Variants in EPHB1 observed in about 807,000 individuals in gnomAD.
EPHB1 encodes the protein EPH receptor B1.
A neutral mutation model predicts 94.4 loss-of-function variants in EPHB1; 30 were observed. The observed-to-expected ratio is 0.32, with a 90% CI of 0.24 to 0.43. The LOEUF (loss-of-function observed/expected upper bound fraction) is 0.43. Among genes scored for constraint, EPHB1 ranks in the 20% least tolerant of loss-of-function variants. The pLI is 1.00. For synonymous variants in EPHB1, 522 were observed against 489.1 expected (o/e 1.07, Z -0.89); for missense variants, 1,055 against 1,308.3 (o/e 0.81, Z 2.99).
chr3:135,252,097 G>A (rs1163692653), intron 15 of EPHB1, among the ~76,000 whole-genome samples: 1 of 151,898 alleles, frequency 6.6e-6, no homozygotes, highest in Non-Finnish European at 1.5e-5. Flanking sequence ...AATGGCACAT[G>A]CAAAGTACTT....
At chr3:134,970,256 A>C (rs1410944982) in intron 3 of EPHB1, among the ~76,000 whole-genome samples, 1 of 152,228 alleles carries the variant, frequency 6.6e-6, no homozygotes, top group Non-Finnish European at 1.5e-5. Context: ...TTTTACACTT[A>C]GGTCTATAAT....
chr3:134,933,650 G>T (rs1000736025), intron 2 of EPHB1, among the ~76,000 whole-genome samples: 2 of 152,182 alleles, frequency 1.3e-5, no homozygotes, highest in African/African-American at 4.8e-5. Context: ...GGAAACTAAA[G>T]CACGGAGCAG....
chr3:135,251,222 TAGAC>T (rs1321693309), intron 15 of EPHB1, among the ~76,000 whole-genome samples: 2 of 152,268 alleles, frequency 1.3e-5, no homozygotes, highest in East Asian at 1.9e-4. Flanking sequence ...GACTGTCAAA[TAGAC>T]AGCAAAAATA....
intron 3 of EPHB1, among the ~76,000 whole-genome samples, chr3:135,049,803 A>G (rs1440960277): frequency 6.6e-6 from 1 of 152,204 alleles, no homozygotes; most frequent in Admixed American, 6.5e-5. Context: ...GACACAGGTG[A>G]CGAAACCAGG....
chr3:135,089,751 G>C (rs957052651), intron 3 of EPHB1, among the ~76,000 whole-genome samples: 1 of 152,204 alleles, frequency 6.6e-6, no homozygotes, highest in African/African-American at 2.4e-5. Context: ...GTGTCCTGCT[G>C]TTTGCTTTGG....
intron 8 of EPHB1, among the ~76,000 whole-genome samples, chr3:135,166,567 G>T (rs1017936757): frequency 2.6e-5 from 4 of 152,184 alleles, no homozygotes; most frequent in African/African-American, 9.7e-5. Flanking sequence ...TGCCTTCAGT[G>T]GTTAGCCCAG....
At chr3:134,922,694 A>G (rs36191) in intron 1 of EPHB1, among the ~76,000 whole-genome samples, 10,211 of 152,120 alleles carry the variant, frequency 0.067, 985 homozygotes, top group African/African-American at 0.21. Context: ...TGGGGGATGC[A>G]TTATTCTGGG....
intron 3 of EPHB1, among the ~76,000 whole-genome samples, chr3:134,972,493 ATATT>A (rs1008127822): frequency 2.4e-4 from 12 of 49,854 alleles, no homozygotes; most frequent in Admixed American, 4.8e-4. Context: ...TATACATTAT[ATATT>A]TATTATAAAT....
rs562649861 is a variant in EPHB1 at position 134,840,587 on chromosome 3, A to T, written c.58+44898A>T. ...TCTCAGTGCCCATACCTAATTATATAGCTCTTGGCAATTGAACTGTCTTTC... is the reference window on the plus strand; with the variant it reads ...TCTCAGTGCCCATACCTAATTATATTGCTCTTGGCAATTGAACTGTCTTTC... On this transcript the variant is annotated intron_variant, in intron 1 of 15. Coordinates refer to ENST00000398015, the MANE Select transcript of EPHB1 (RefSeq NM_004441.5). 5 of 152,346 alleles carry T rather than the reference A, an allele frequency of 3.3e-5. No individual in the cohort carries two copies. The East Asian group carries it at 9.6e-4, about 29-fold the overall frequency. 9.4% of individuals were successfully genotyped at this position (152,346 alleles called of 1,614,324 possible). A position where few individuals can be genotyped will look rare whatever the true frequency, so the allele number is the denominator to read the frequency against.
At chr3:134,854,670 C>G (rs894187525) in intron 1 of EPHB1, among the ~76,000 whole-genome samples, 3 of 152,108 alleles carry the variant, frequency 2.0e-5, no homozygotes, top group African/African-American at 7.2e-5. Context: ...ACCCCGTGAC[C>G]CGTGTAACTG....
intron 4 of EPHB1, among the ~76,000 whole-genome samples, chr3:135,127,956 T>A (rs960445806): frequency 6.6e-6 from 1 of 152,034 alleles, no homozygotes; most frequent in African/African-American, 2.4e-5. Context: ...AAACAGAAAA[T>A]CACAGCTCAA....
intron 14 of EPHB1, 146 bp downstream of exon 14, chr3:135,248,655 A>G (rs1484434586): frequency 2.9e-6 from 2 of 681,122 alleles, no homozygotes; most frequent in Non-Finnish European, 4.8e-6. Context: ...AGCAACATGC[A>G]TGAAGAAAGA....
intron 15 of EPHB1, among the ~76,000 whole-genome samples, chr3:135,255,003 T>C (rs1289313152): frequency 1.3e-5 from 2 of 152,372 alleles, no homozygotes; most frequent in East Asian, 3.9e-4. Flanking sequence ...TTTATTTGCG[T>C]AGAGGTGTTT....
intron 12 of EPHB1, among the ~76,000 whole-genome samples, chr3:135,219,849 C>A (rs1210083002): frequency 6.6e-6 from 1 of 152,150 alleles, no homozygotes; most frequent in African/African-American, 2.4e-5. Flanking sequence ...GGGATCTTGT[C>A]CCATGCACCC....
At chr3:134,940,827 T>C (rs2039101148) in intron 2 of EPHB1, among the ~76,000 whole-genome samples, 1 of 152,236 alleles carries the variant, frequency 6.6e-6, no homozygotes, top group Admixed American at 6.5e-5. Context: ...CGGACAGGGA[T>C]TTTGTCTCTC....
At chr3:134,808,092 A>T (rs2036104022) in intron 1 of EPHB1, among the ~76,000 whole-genome samples, 1 of 152,186 alleles carries the variant, frequency 6.6e-6, no homozygotes, top group Non-Finnish European at 1.5e-5. Flanking sequence ...TAGAGAATGG[A>T]TCTGCAGGGA....
At chr3:134,905,262 C>T (rs1192440910) in intron 1 of EPHB1, among the ~76,000 whole-genome samples, 2 of 152,222 alleles carry the variant, frequency 1.3e-5, no homozygotes. Flanking sequence ...AAAGTGCTGG[C>T]TGAGGGGGCC....
intron 15 of EPHB1, among the ~76,000 whole-genome samples, chr3:135,257,954 C>T (rs1296985002): frequency 2.0e-5 from 3 of 152,118 alleles, no homozygotes; most frequent in East Asian, 1.9e-4. Context: ...GTGCAGTATT[C>T]GGGTGGGAGT....
intron 1 of EPHB1, among the ~76,000 whole-genome samples, chr3:134,859,342 C>G (rs72984049): frequency 0.013 from 1,993 of 152,266 alleles, 43 homozygotes; most frequent in African/African-American, 0.046. Context: ...GGAAACTCAC[C>G]TTGGGCAGCA....
Sources: allele counts gnomAD v4.1 joint callset (sites outside exome capture counted in the v4.1 genomes callset), GRCh38; gene constraint gnomAD v4.1.1; transcripts MANE v1.5; gene names NCBI Gene and HGNC (gene_info 2026-07-23, HGNC 2026-07-21).